RGPD2: variants seen among roughly 807,000 people sequenced by gnomAD.
RGPD2 encodes the protein RANBP2-like and GRIP domain-containing protein 2.
RGPD2 carries 2 observed loss-of-function variants against 36.0 expected under a neutral mutation model. The ratio of observed to expected loss-of-function variants is 0.06; its 90% CI spans 0.02 to 0.17. The LOEUF (loss-of-function observed/expected upper bound fraction) is 0.17, where lower values mean the gene tolerates loss of function less well. Ranked by LOEUF, RGPD2 falls within the 10% of genes least tolerant of loss-of-function variation. The pLI, the probability that RGPD2 is intolerant of heterozygous loss-of-function variation, is 1.00. For synonymous variants in RGPD2, 19 were observed against 163.8 expected, an observed-to-expected ratio of 0.12 and a Z score of 6.75; for missense variants, 40 against 464.3, an observed-to-expected ratio of 0.09 and a Z score of 8.40.
the RGPD2 span, among the ~76,000 whole-genome samples, chr2:87,883,755 C>A: frequency 6.6e-6 from 1 of 152,020 alleles, no homozygotes; most frequent in Non-Finnish European, 1.5e-5. Context: ...TAAGGAGGAA[C>A]TAACAATTAT....
the RGPD2 span, among the ~76,000 whole-genome samples, chr2:87,856,992 TA>T: frequency 0.12 from 16,793 of 135,510 alleles, no homozygotes; most frequent in Non-Finnish European, 0.17. Context: ...GGTAACAAAC[TA>T]ATGGCTCTTT....
At chr2:87,878,930 T>G in the RGPD2 span, among the ~76,000 whole-genome samples, 2 of 152,236 alleles carry the variant, frequency 1.3e-5, no homozygotes, top group African/African-American at 4.8e-5. Context: ...AATGACTGAA[T>G]CGTATTCATT....
chr2:87,970,432 T>G, the RGPD2 span, among the ~76,000 whole-genome samples: 1 of 152,056 alleles, frequency 6.6e-6, no homozygotes, highest in Non-Finnish European at 1.5e-5. Context: ...TGTCTGTATG[T>G]GCATGACAGC....
the RGPD2 span, among the ~76,000 whole-genome samples, chr2:87,853,483 C>T: frequency 6.6e-6 from 1 of 151,526 alleles, no homozygotes; most frequent in East Asian, 1.9e-4. Flanking sequence ...CTTGGCCTCC[C>T]AAAGCACTGG....
upstream of RGPD2, among the ~76,000 whole-genome samples, chr2:87,829,540 T>C (rs557513174): frequency 1.3e-5 from 2 of 152,100 alleles, no homozygotes; most frequent in South Asian, 4.2e-4. Context: ...CAGTTCCACA[T>C]GGCTGGGGAG....
the RGPD2 span, among the ~76,000 whole-genome samples, chr2:87,957,658 T>C: frequency 6.6e-6 from 1 of 152,224 alleles, no homozygotes; most frequent in Admixed American, 6.5e-5. Context: ...TAACATCACA[T>C]TGGATATTGG....
chr2:87,973,270 C>T, the RGPD2 span, among the ~76,000 whole-genome samples: 2 of 148,724 alleles, frequency 1.3e-5, no homozygotes, highest in African/African-American at 2.5e-5. Context: ...CCCCACACCC[C>T]CCTCCTGCCG....
chr2:87,897,587 C>A, the RGPD2 span, among the ~76,000 whole-genome samples: 2 of 150,874 alleles, frequency 1.3e-5, no homozygotes, highest in African/African-American at 4.9e-5. Flanking sequence ...GGTATTAAGC[C>A]CAGTATACAT....
At chr2:87,815,109 G>A (rs1686244305) in intron 4 of RGPD2, among the ~76,000 whole-genome samples, 1 of 144,368 alleles carries the variant, frequency 6.9e-6, no homozygotes, top group Admixed American at 6.7e-5. Context: ...TGACAGTAGT[G>A]GTGGTATGAA....
At chr2:87,877,148 CTT>C in the RGPD2 span, among the ~76,000 whole-genome samples, 7 of 151,966 alleles carry the variant, frequency 4.6e-5, no homozygotes, top group African/African-American at 9.7e-5. Flanking sequence ...GGTCTTGACT[CTT>C]TATCTAGCTT....
the RGPD2 span, among the ~76,000 whole-genome samples, chr2:87,969,972 TACAA>T: frequency 6.6e-6 from 1 of 150,864 alleles, no homozygotes; most frequent in African/African-American, 2.5e-5. Flanking sequence ...TAATGAAAAA[TACAA>T]AGCAGAATAG....
chr2:87,756,461 T>C lies in RGPD2; in HGVS notation c.*931A>G. ...TGTAACATGTATCCATGTATCATCA[T>C]TAAGTGATCTCATTTTATATTGTTT... is the stretch of plus-strand genomic sequence containing the variant. On this transcript the variant is annotated 3_prime_UTR_variant, in exon 23 of 23. Transcript: ENST00000398146. The C allele has an allele frequency of 3.8e-6, 1 of 263,678 alleles. No homozygotes were observed. The highest frequency in any genetic ancestry group is 2.2e-5 in the African/African-American group (1 of 45,608). The allele number at this position is 263,678 out of a possible 1,614,324, so 16.3% of individuals were successfully genotyped here.
chr2:87,964,010 A>G, the RGPD2 span, among the ~76,000 whole-genome samples: 1 of 150,992 alleles, frequency 6.6e-6, no homozygotes, highest in East Asian at 1.9e-4. Context: ...TAATTGTTGT[A>G]TTTTTAGTAG....
the RGPD2 span, among the ~76,000 whole-genome samples, chr2:87,971,563 G>GT: frequency 1.4e-5 from 2 of 144,216 alleles, no homozygotes; most frequent in Admixed American, 1.4e-4. Flanking sequence ...AAAATATTGA[G>GT]TATCATGAGG....
At chr2:87,824,794 G>GGCCGCC (rs1248753223) in intron 1 of RGPD2, 3 of 21,318 alleles carry the variant, frequency 1.4e-4, no homozygotes, top group African/African-American at 1.9e-4. Context: ...CCGAGGCCGA[G>GGCCGCC]GCCGCCGCCG....
the RGPD2 span, chr2:87,968,569 C>T: frequency 1.4e-5 from 2 of 145,236 alleles, no homozygotes; most frequent in Admixed American, 1.4e-4. Flanking sequence ...GAGCCAACCT[C>T]GTTTCCAAAA....
chr2:87,915,100 T>C, the RGPD2 span, among the ~76,000 whole-genome samples: 1 of 151,534 alleles, frequency 6.6e-6, no homozygotes, highest in East Asian at 1.9e-4. Flanking sequence ...TGAGCCAAGA[T>C]TGCACCATTG....
intron 4 of RGPD2, among the ~76,000 whole-genome samples, chr2:87,815,189 G>T (rs1482904562): frequency 6.8e-6 from 1 of 146,044 alleles, no homozygotes; most frequent in East Asian, 2.0e-4. Flanking sequence ...TCCTGATTTT[G>T]ATATTGTGCT....
the RGPD2 span, among the ~76,000 whole-genome samples, chr2:87,934,608 T>G: frequency 6.6e-6 from 1 of 151,542 alleles, no homozygotes; most frequent in African/African-American, 2.4e-5. Context: ...TTTGCATATG[T>G]GTGTGCATGT....
Sources: allele counts gnomAD v4.1 joint callset (sites outside exome capture counted in the v4.1 genomes callset), GRCh38; gene constraint gnomAD v4.1.1; transcripts MANE v1.5; gene names NCBI Gene and HGNC (gene_info 2026-07-23, HGNC 2026-07-21).